Variants in KCNT2 observed in about 807,000 individuals in gnomAD.
The protein encoded by KCNT2 is potassium sodium-activated channel subfamily T member 2, also known as potassium channel subfamily T member 2.
In KCNT2, 67 loss-of-function variants were observed where a neutral mutation model predicts 153.8. The observed-to-expected ratio is 0.44, with a 90% CI of 0.36 to 0.53. The LOEUF is 0.53. KCNT2 is among the 20% of genes least tolerant of loss of function. KCNT2 has a pLI of 0.00. For missense variants in KCNT2, 975 were observed against 1,354.8 expected, an observed-to-expected ratio of 0.72 and a Z score of 4.40; for synonymous variants, 500 against 458.8, an observed-to-expected ratio of 1.09 and a Z score of -1.15.
chr1:196,235,961 T>C (rs375199969), intron 27 of KCNT2, 25 bp downstream of exon 27: 86 of 1,371,210 alleles, frequency 6.3e-5, no homozygotes, highest in Non-Finnish European at 3.8e-5. Context: ...ATATCTGTCT[T>C]ATATGAGATA....
chr1:196,288,805 G>C (rs1461516763), intron 22 of KCNT2, among the ~76,000 whole-genome samples: 1 of 152,042 alleles, frequency 6.6e-6, no homozygotes, highest in East Asian at 1.9e-4. Flanking sequence ...ATTTGGACTT[G>C]GGTTTTGATG....
At chr1:196,523,030 A>G (rs1653672522) in intron 1 of KCNT2, among the ~76,000 whole-genome samples, 1 of 152,134 alleles carries the variant, frequency 6.6e-6, no homozygotes, top group African/African-American at 2.4e-5. Flanking sequence ...TTCACAATAA[A>G]CCTTGCCGCT....
At chr1:196,253,408 C>T (rs1031254448) in intron 26 of KCNT2, among the ~76,000 whole-genome samples, 1 of 151,382 alleles carries the variant, frequency 6.6e-6, no homozygotes, top group Admixed American at 6.6e-5. Flanking sequence ...TTGGTCTCTT[C>T]TATCTTCAGT....
chr1:196,395,886 A>G (rs1053489855), intron 13 of KCNT2, among the ~76,000 whole-genome samples: 2 of 151,708 alleles, frequency 1.3e-5, no homozygotes, highest in Admixed American at 1.3e-4. Context: ...TCTTGTGAAT[A>G]TTGGAATCTA....
chr1:196,463,362 G>A (rs764788719), intron 8 of KCNT2, among the ~76,000 whole-genome samples: 11 of 151,722 alleles, frequency 7.3e-5, no homozygotes, highest in Non-Finnish European at 1.6e-4. Context: ...CATAAGTTAT[G>A]AAGACAGTTT....
At chr1:196,518,997 C>T (rs1349589128) in intron 1 of KCNT2, among the ~76,000 whole-genome samples, 1 of 152,146 alleles carries the variant, frequency 6.6e-6, no homozygotes, top group Non-Finnish European at 1.5e-5. Context: ...ACATTCTTCT[C>T]ATTGCCACAA....
chr1:196,368,790 A>G (rs1668254478), intron 14 of KCNT2, among the ~76,000 whole-genome samples: 1 of 152,030 alleles, frequency 6.6e-6, no homozygotes, highest in African/African-American at 2.4e-5. Flanking sequence ...TTCCTCCTTC[A>G]CATTTGTGAG....
At chr1:196,328,730 A>G (rs1664140961) in intron 18 of KCNT2, among the ~76,000 whole-genome samples, 1 of 151,988 alleles carries the variant, frequency 6.6e-6, no homozygotes, top group Non-Finnish European at 1.5e-5. Context: ...AGGAAACCAT[A>G]ATTAAAAGGA....
chr1:196,607,605 T>A (rs1245308894), intron 1 of KCNT2, among the ~76,000 whole-genome samples: 1 of 152,242 alleles, frequency 6.6e-6, no homozygotes, highest in African/African-American at 2.4e-5. Flanking sequence ...CAGAGTCACC[T>A]GTTCAAAGTG....
intron 5 of KCNT2, 63 bp from the exon 6 acceptor site, chr1:196,469,131 AAGAC>A (rs1297134973): frequency 1.1e-6 from 1 of 890,850 alleles, no homozygotes; most frequent in East Asian, 2.6e-5. Context: ...AAGGGGGAAA[AAGAC>A]AGCACTTAGA....
intron 14 of KCNT2, among the ~76,000 whole-genome samples, chr1:196,354,104 T>C (rs1553297720): frequency 6.6e-6 from 1 of 151,892 alleles, no homozygotes; most frequent in Non-Finnish European, 1.5e-5. Flanking sequence ...GAAAGTAGAA[T>C]TTATTTTTTT....
intron 22 of KCNT2, among the ~76,000 whole-genome samples, chr1:196,298,188 A>G (rs996506155): frequency 1.3e-5 from 2 of 152,174 alleles, no homozygotes; most frequent in Non-Finnish European, 2.9e-5. Flanking sequence ...TCAAGCGTGC[A>G]TCCTACAATT....
In KCNT2 at chr1:196,326,070, C is replaced by T. The variant is rs573912919; in HGVS notation, c.2276+647G>A. ...TGCTACTAATTTCCAGTCACAGAGA[C>T]GGATATTATAATTTTAGAATAAAAT... On this transcript the variant is annotated intron_variant, in intron 19 of 27. Coordinates refer to ENST00000294725, the MANE Select transcript of KCNT2 (RefSeq NM_198503.5). Among the ~76,000 whole-genome samples the T allele has an allele frequency of 1.3e-3, 199 of 152,088 alleles. 1 individual carries two copies. The highest frequency in any genetic ancestry group is 2.3e-3 in the Non-Finnish European group (156 of 67,978).
At chr1:196,464,407 C>T (rs911394390) in intron 8 of KCNT2, among the ~76,000 whole-genome samples, 5 of 151,822 alleles carry the variant, frequency 3.3e-5, no homozygotes, top group African/African-American at 1.2e-4. Context: ...CGTAGAGTTA[C>T]TAACCACATA....
intron 1 of KCNT2, among the ~76,000 whole-genome samples, chr1:196,511,035 T>C (rs1681569783): frequency 6.6e-6 from 1 of 151,866 alleles, no homozygotes; most frequent in Admixed American, 6.6e-5. Context: ...AGACCAGATG[T>C]CCCATGAAAC....
intron 1 of KCNT2, among the ~76,000 whole-genome samples, chr1:196,586,340 A>G: frequency 6.6e-6 from 1 of 152,270 alleles, no homozygotes; most frequent in South Asian, 2.1e-4. Context: ...TCTTGCTGCT[A>G]AATTCCCCAT....
At chr1:196,298,751 C>T (rs1240631884) in intron 22 of KCNT2, among the ~76,000 whole-genome samples, 1 of 149,384 alleles carries the variant, frequency 6.7e-6, no homozygotes, top group African/African-American at 2.5e-5. Flanking sequence ...CTGCTGCCCA[C>T]ACCAGCTTAT....
chr1:196,534,674 G>T (rs925007478), intron 1 of KCNT2, among the ~76,000 whole-genome samples: 1 of 152,074 alleles, frequency 6.6e-6, no homozygotes. Context: ...TGATTAAAAG[G>T]TAAAACCAAG....
intron 3 of KCNT2, among the ~76,000 whole-genome samples, chr1:196,487,060 T>G (rs1265040996): frequency 6.6e-6 from 1 of 151,920 alleles, no homozygotes; most frequent in Non-Finnish European, 1.5e-5. Flanking sequence ...TTAAGGGCCC[T>G]TCCACCAGAC....
Sources: allele counts gnomAD v4.1 joint callset (sites outside exome capture counted in the v4.1 genomes callset), GRCh38; gene constraint gnomAD v4.1.1; transcripts MANE v1.5; gene names NCBI Gene and HGNC (gene_info 2026-07-23, HGNC 2026-07-21).